Variants in THUMPD2 observed in about 807,000 individuals in gnomAD.
THUMPD2 encodes U6 snRNA (guanine-N(2))-methyltransferase THUMPD2.
In THUMPD2, 56 loss-of-function variants were observed where a neutral mutation model predicts 49.4. The ratio of observed to expected loss-of-function variants is 1.13; its 90% CI spans 0.91 to 1.41. The LOEUF is 1.41. THUMPD2 is among the 40% of genes most tolerant of loss of function. The probability of loss-of-function intolerance (pLI) is 0.00; values close to 1 mark genes in which losing one functional copy is unlikely to be tolerated. For missense variants in THUMPD2, 709 were observed against 594.5 expected (o/e 1.19, Z -2.00); for synonymous variants, 237 against 205.2 (o/e 1.15, Z -1.32).
intron 1 of THUMPD2, 84 bp from the exon 2 acceptor site, chr2:39,771,724 TA>T: frequency 7.6e-7 from 1 of 1,317,836 alleles, no homozygotes; most frequent in Non-Finnish European, 1.0e-6. Context: ...GCATCTAAAT[TA>T]AAAATAAAAA....
At chr2:39,777,629 G>A (rs1679293813) in intron 1 of THUMPD2, among the ~76,000 whole-genome samples, 1 of 152,156 alleles carries the variant, frequency 6.6e-6, no homozygotes, top group East Asian at 1.9e-4. Flanking sequence ...AGTTCACTTT[G>A]TATCAGAGCA....
chr2:39,766,561 A>G (rs1677546626), intron 4 of THUMPD2, among the ~76,000 whole-genome samples: 1 of 152,204 alleles, frequency 6.6e-6, no homozygotes, highest in South Asian at 2.1e-4. Flanking sequence ...ATATGGCAGC[A>G]AGGGTGCTGT....
At chr2:39,771,676 T>C in intron 1 of THUMPD2, 36 bp from the exon 2 acceptor site, 1 of 1,573,130 alleles carries the variant, frequency 6.4e-7, no homozygotes, top group Non-Finnish European at 8.6e-7. Flanking sequence ...TGTAGTCCAG[T>C]GTCAGTGAAA....
intron 9 of THUMPD2, among the ~76,000 whole-genome samples, chr2:39,737,712 G>A (rs929013518): frequency 4.6e-5 from 7 of 152,136 alleles, no homozygotes; most frequent in Admixed American, 1.3e-4. Flanking sequence ...CCCGAGCATG[G>A]GACAGAGGAG....
chr2:39,771,236 G>A (rs1678272725), intron 2 of THUMPD2, among the ~76,000 whole-genome samples: 1 of 152,038 alleles, frequency 6.6e-6, no homozygotes, highest in Non-Finnish European at 1.5e-5. Context: ...TATCTCTAGA[G>A]AAGGTACCTG....
At position 39,736,904 on chromosome 2, in the gene THUMPD2, G is replaced by GT. The variant is rs769631278; in HGVS notation, c.1342dup (p.Thr448AsnfsTer15). On this transcript the variant is annotated frameshift_variant, in exon 10 of 10. Coordinates refer to ENST00000505747, the MANE Select transcript of THUMPD2 (RefSeq NM_025264.5). LOFTEE classifies it low-confidence loss of function (END_TRUNC). ...AGTTGACGCTGTCTTGAATGCACCA[G>GT]TTTTTTCTTCAGGATTCAAGCACTT... The GT allele has an allele frequency of 4.3e-6, 7 of 1,614,058 alleles. No homozygotes were observed. In the Admixed American group the frequency reaches 8.3e-5, roughly 19 times the overall value.
intron 1 of THUMPD2, among the ~76,000 whole-genome samples, chr2:39,777,374 A>G (rs1415695368): frequency 1.9e-4 from 29 of 152,196 alleles, no homozygotes; most frequent in Admixed American, 1.9e-3. Context: ...ACTACATCCA[A>G]TGTTCCAGGG....
chr2:39,744,228 G>C, intron 9 of THUMPD2, 142 bp downstream of exon 9: 1 of 501,366 alleles, frequency 2.0e-6, no homozygotes, highest in Non-Finnish European at 3.6e-6. Context: ...ATAAACTTCT[G>C]ACTTAAAACC....
At chr2:39,746,703 C>A (rs1285372812) in intron 8 of THUMPD2, among the ~76,000 whole-genome samples, 2 of 152,066 alleles carry the variant, frequency 1.3e-5, no homozygotes, top group East Asian at 3.9e-4. Flanking sequence ...TTTCCTACTT[C>A]CAGGAGAAAA....
intron 6 of THUMPD2, 82 bp from the exon 7 acceptor site, chr2:39,756,042 A>G (rs1676074762): frequency 7.9e-7 from 1 of 1,261,256 alleles, no homozygotes. Context: ...TGAGGAATCA[A>G]TATTTCAAGA....
chr2:39,774,925 C>A (rs1678871521), intron 1 of THUMPD2, among the ~76,000 whole-genome samples: 1 of 152,136 alleles, frequency 6.6e-6, no homozygotes, highest in Non-Finnish European at 1.5e-5. Flanking sequence ...GCTAGCATAT[C>A]TAAACAGCAT....
At chr2:39,772,260 G>C (rs761518542) in intron 1 of THUMPD2, among the ~76,000 whole-genome samples, 22 of 152,212 alleles carry the variant, frequency 1.4e-4, no homozygotes, top group Admixed American at 1.0e-3. Context: ...CTGATTGATA[G>C]TGTCAGGTGG....
chr2:39,773,529 C>T (rs1165632429), intron 1 of THUMPD2, among the ~76,000 whole-genome samples: 1 of 143,424 alleles, frequency 7.0e-6, no homozygotes, highest in African/African-American at 2.5e-5. Context: ...AACACACACA[C>T]ATATATAAAA....
Position 39,736,655 on chromosome 2 carries a change from A to G in THUMPD2, c.*80T>C. On this transcript the variant is annotated 3_prime_UTR_variant, in exon 10 of 10. Coordinates refer to ENST00000505747, the MANE Select transcript of THUMPD2 (RefSeq NM_025264.5). ...GGTTACTTGGAGCTCTGTGGGTGCT[A>G]TATGAATCCTAGAGACAGCAAACTT... is the stretch of plus-strand genomic sequence containing the variant. The G allele has an allele frequency of 7.6e-7, 1 of 1,313,656 alleles. No homozygotes were observed. The highest frequency in any genetic ancestry group is 2.5e-5 in the East Asian group (1 of 39,778). 81.4% of individuals were successfully genotyped at this position (1,313,656 alleles called of 1,614,324 possible).
At chr2:39,739,553 C>T (rs1558483469) in intron 9 of THUMPD2, among the ~76,000 whole-genome samples, 1 of 152,188 alleles carries the variant, frequency 6.6e-6, no homozygotes, top group African/African-American at 2.4e-5. Context: ...ACTGATTAAC[C>T]ATCTGTCTTC....
chr2:39,768,835 T>G (rs545259447), intron 3 of THUMPD2: 3 of 1,137,464 alleles, frequency 2.6e-6, no homozygotes, highest in South Asian at 2.8e-5. Context: ...AGCTGAAAGA[T>G]TAACTATGTC....
intron 8 of THUMPD2, among the ~76,000 whole-genome samples, chr2:39,747,278 T>C (rs752310254): frequency 4.6e-5 from 7 of 152,230 alleles, no homozygotes; most frequent in African/African-American, 9.6e-5. Context: ...TTGAGGTTTA[T>C]TGCATTAGAT....
At chr2:39,764,559 A>G (rs1456435670) in intron 5 of THUMPD2, among the ~76,000 whole-genome samples, 1 of 152,206 alleles carries the variant, frequency 6.6e-6, no homozygotes, top group African/African-American at 2.4e-5. Flanking sequence ...CAATGTCTTT[A>G]GGAACTTAGG....
rs146153948 is a variant in THUMPD2, at chr2:39,769,701, C to G, written c.672+9G>C. ...GGGCGACAGACTCCACTTTAGGATGCAAGCATACCTGTGCAGTGAAGGCCT... is the reference window on the plus strand; with the variant it reads ...GGGCGACAGACTCCACTTTAGGATGGAAGCATACCTGTGCAGTGAAGGCCT... On this transcript the variant is annotated intron_variant, in intron 3 of 9. Coordinates refer to ENST00000505747, the MANE Select transcript of THUMPD2 (RefSeq NM_025264.5). The G allele has an allele frequency of 7.9e-4, 1,181 of 1,499,080 alleles. 7 individuals carry two copies. The African/African-American group carries it at 0.014, about 18-fold the overall frequency. 92.9% of individuals were successfully genotyped at this position (1,499,080 alleles called of 1,614,324 possible). A position where few individuals can be genotyped will look rare whatever the true frequency, so the allele number is the denominator to read the frequency against.
Sources: gnomAD v4.1 joint callset for allele counts (sites outside exome capture counted in the v4.1 genomes callset) on GRCh38, gnomAD v4.1.1 for gene constraint, MANE v1.5 for transcripts, NCBI Gene and HGNC (gene_info 2026-07-23, HGNC 2026-07-21) for gene names.